The following ADAMTSL1 variants were observed in gnomAD, a reference collection of about 807,000 sequenced individuals.
ADAMTSL1 encodes ADAMTS like 1, also known as ADAMTS-like protein 1.
ADAMTSL1 carries 126 observed loss-of-function variants against 201.8 expected under a neutral mutation model. The observed-to-expected ratio is 0.62, with a 90% CI of 0.54 to 0.72. ADAMTSL1 has a LOEUF of 0.72. Ranked by LOEUF, ADAMTSL1 falls within the 30% of genes least tolerant of loss-of-function variation. ADAMTSL1 has a pLI of 0.00. For missense variants in ADAMTSL1, 2,679 were observed against 2,277.8 expected, an observed-to-expected ratio of 1.18 and a Z score of -3.59; for synonymous variants, 1,121 against 903.4, an observed-to-expected ratio of 1.24 and a Z score of -4.32.
chr9:18,888,072 G>GGACTT (rs1187708935), intron 24 of ADAMTSL1, 29 bp downstream of exon 24: 3 of 1,596,560 alleles, frequency 1.9e-6, no homozygotes, highest in East Asian at 4.5e-5. Flanking sequence ...TTTGCATACT[G>GGACTT]GACTTGAACA....
chr9:18,657,919 C>T (rs566489689), intron 8 of ADAMTSL1, among the ~76,000 whole-genome samples, 169 bp downstream of exon 8: 26 of 152,142 alleles, frequency 1.7e-4, no homozygotes, highest in Non-Finnish European at 3.5e-4. Context: ...CAGATACCTC[C>T]GCCAAGATGC....
chr9:18,530,674 G>A (rs1819388315), intron 2 of ADAMTSL1, among the ~76,000 whole-genome samples: 1 of 152,096 alleles, frequency 6.6e-6, no homozygotes, highest in African/African-American at 2.4e-5. Context: ...CATCTATTAT[G>A]TACTTAATTA....
intron 3 of ADAMTSL1, among the ~76,000 whole-genome samples, chr9:18,539,216 C>CA (rs1236629655): frequency 1.3e-5 from 2 of 152,192 alleles, no homozygotes; most frequent in Non-Finnish European, 2.9e-5. Context: ...ATTTATTGAA[C>CA]ACCCAACTCC....
intron 2 of ADAMTSL1, among the ~76,000 whole-genome samples, chr9:18,272,845 T>G (rs1346343290): frequency 6.6e-6 from 1 of 152,206 alleles, no homozygotes; most frequent in Non-Finnish European, 1.5e-5. Context: ...AGATCATTTC[T>G]TTCTTTGAGC....
chr9:18,530,061 A>G (rs1007211831), intron 2 of ADAMTSL1, among the ~76,000 whole-genome samples: 4 of 152,200 alleles, frequency 2.6e-5, no homozygotes, highest in Non-Finnish European at 5.9e-5. Context: ...AGGCTCATTT[A>G]AACTATTGAA....
chr9:18,355,298 T>C (rs913808265), intron 2 of ADAMTSL1, among the ~76,000 whole-genome samples: 1 of 152,162 alleles, frequency 6.6e-6, no homozygotes, highest in Non-Finnish European at 1.5e-5. Flanking sequence ...AGCTGTAATA[T>C]AAAGTATATA....
chr9:18,331,520 G>C (rs577698350), intron 2 of ADAMTSL1, among the ~76,000 whole-genome samples: 24 of 152,262 alleles, frequency 1.6e-4, no homozygotes, highest in Non-Finnish European at 2.9e-4. Flanking sequence ...TTATAATACA[G>C]TGCACATGGT....
At chr9:17,979,279 C>A (rs1388773168) in intron 1 of ADAMTSL1, among the ~76,000 whole-genome samples, 1 of 151,874 alleles carries the variant, frequency 6.6e-6, no homozygotes, top group Non-Finnish European at 1.5e-5. Flanking sequence ...TCTTTCTTTT[C>A]TTCTTCTTGG....
chr9:18,545,867 C>G (rs1820437195), intron 3 of ADAMTSL1, among the ~76,000 whole-genome samples: 2 of 152,156 alleles, frequency 1.3e-5, no homozygotes. Flanking sequence ...TGCTAACGTG[C>G]AAATACTTGC....
At chr9:18,695,113 G>A (rs1373487102) in intron 13 of ADAMTSL1, among the ~76,000 whole-genome samples, 1 of 152,234 alleles carries the variant, frequency 6.6e-6, no homozygotes, top group Non-Finnish European at 1.5e-5. Flanking sequence ...AGGTTGTGCA[G>A]GGCAGTGGAG....
intron 2 of ADAMTSL1, among the ~76,000 whole-genome samples, chr9:18,259,388 G>C (rs1831824146): frequency 6.6e-6 from 1 of 152,058 alleles, no homozygotes; most frequent in Non-Finnish European, 1.5e-5. Flanking sequence ...AGCCAGGCAT[G>C]GTGGCACATG....
chr9:18,290,783 T>TTG (rs777476305), intron 2 of ADAMTSL1, among the ~76,000 whole-genome samples: 1 of 80,196 alleles, frequency 1.2e-5, no homozygotes, highest in African/African-American at 4.0e-5. Context: ...TTTTGTGTGT[T>TTG]TTTTTTTTTT....
At chr9:17,948,888 A>T (rs1407046300) in intron 1 of ADAMTSL1, among the ~76,000 whole-genome samples, 21 of 152,242 alleles carry the variant, frequency 1.4e-4, no homozygotes. Context: ...TGTGCTAATT[A>T]TCAGTAATCC....
chr9:18,212,141 T>C (rs1470301101), intron 2 of ADAMTSL1, among the ~76,000 whole-genome samples: 1 of 152,276 alleles, frequency 6.6e-6, no homozygotes, highest in East Asian at 1.9e-4. Context: ...TTAACGTGTA[T>C]GTATTTGAGT....
At chr9:18,645,189 T>C (rs1827720474) in intron 7 of ADAMTSL1, among the ~76,000 whole-genome samples, 1 of 152,222 alleles carries the variant, frequency 6.6e-6, no homozygotes, top group Non-Finnish European at 1.5e-5. Flanking sequence ...ATGTCTTCTT[T>C]TGAGAAGTGT....
At chr9:18,186,756 G>A (rs912855670) in intron 2 of ADAMTSL1, among the ~76,000 whole-genome samples, 1 of 151,902 alleles carries the variant, frequency 6.6e-6, no homozygotes, top group Non-Finnish European at 1.5e-5. Flanking sequence ...CCAGTCACTT[G>A]ATCTTCTTGG....
At chr9:18,367,409 A>G (rs1356941247) in intron 2 of ADAMTSL1, among the ~76,000 whole-genome samples, 1 of 151,900 alleles carries the variant, frequency 6.6e-6, no homozygotes. Flanking sequence ...TCATGACATA[A>G]TGGAAAGAAA....
chr9:18,319,269 A>G (rs1308051069), intron 2 of ADAMTSL1, among the ~76,000 whole-genome samples: 1 of 152,176 alleles, frequency 6.6e-6, no homozygotes, highest in African/African-American at 2.4e-5. Flanking sequence ...ATAACACATA[A>G]TGACAGAGCT....
chr9:18,829,139 A>G (rs76141507), intron 22 of ADAMTSL1, among the ~76,000 whole-genome samples: 139 of 152,272 alleles, frequency 9.1e-4, no homozygotes, highest in Non-Finnish European at 1.7e-3. Flanking sequence ...TCCAGCAGAA[A>G]TGATAAGCCA....
Sources: allele counts gnomAD v4.1 joint callset (sites outside exome capture counted in the v4.1 genomes callset), GRCh38; gene constraint gnomAD v4.1.1; transcripts MANE v1.5; gene names NCBI Gene and HGNC (gene_info 2026-07-23, HGNC 2026-07-21).